Variants in AKT3 observed in about 807,000 individuals in gnomAD.
AKT3 encodes the protein RAC-gamma serine/threonine-protein kinase.
In AKT3, 15 loss-of-function variants were observed where a neutral mutation model predicts 65.3. The ratio of observed to expected loss-of-function variants is 0.23; its 90% CI spans 0.15 to 0.35. The LOEUF is 0.35. Among genes scored for constraint, AKT3 ranks in the 10% least tolerant of loss-of-function variants. AKT3 has a pLI of 1.00. For synonymous variants in AKT3, 206 were observed against 183.8 expected (o/e 1.12, Z -0.98); for missense variants, 243 against 576.5 (o/e 0.42, Z 5.92).
intron 3 of AKT3, among the ~76,000 whole-genome samples, chr1:243,669,587 T>C (rs1405725275): frequency 6.6e-6 from 1 of 152,212 alleles, no homozygotes; most frequent in Non-Finnish European, 1.5e-5. Context: ...TTTATCATCT[T>C]TAAAAGCACT....
At chr1:243,600,340 G>C (rs1183466063) in intron 8 of AKT3, among the ~76,000 whole-genome samples, 2 of 152,024 alleles carry the variant, frequency 1.3e-5, no homozygotes, top group African/African-American at 4.8e-5. Flanking sequence ...AAAGGAAATT[G>C]GATAGCAAAA....
chr1:243,651,596 A>G (rs530768356), intron 4 of AKT3, among the ~76,000 whole-genome samples: 3 of 152,266 alleles, frequency 2.0e-5, no homozygotes, highest in South Asian at 4.1e-4. Flanking sequence ...GAGAGTTTTT[A>G]GCATGAAGGG....
rs188465698 is a variant in AKT3 at position 243,599,604 on chromosome 1, C to G, written c.696+14067G>C. ...ATACATATTCTAAACCCTAAAGCTA[C>G]CACCATAAGAACAAAGAAGCAGAGC... On this transcript the variant is annotated intron_variant, in intron 8 of 13. Coordinates refer to ENST00000673466, the MANE Select transcript of AKT3 (RefSeq NM_005465.7). Among the ~76,000 whole-genome samples the G allele has an allele frequency of 1.5e-3, 226 of 152,188 alleles. 1 individual carries two copies. Among genetic ancestry groups the G allele is most frequent in the South Asian group, 0.012 (56 of 4,816 alleles).
chr1:243,751,972 G>C (rs1688835420), intron 2 of AKT3, among the ~76,000 whole-genome samples: 1 of 152,126 alleles, frequency 6.6e-6, no homozygotes, highest in South Asian at 2.1e-4. Context: ...ACTAGCTTCA[G>C]GGAAAGGTGG....
chr1:243,566,884 A>C (rs918912302), intron 9 of AKT3, among the ~76,000 whole-genome samples: 1 of 152,238 alleles, frequency 6.6e-6, no homozygotes, highest in Non-Finnish European at 1.5e-5. Context: ...ACTGTATTTT[A>C]AAGAAAAGAA....
intron 6 of AKT3, among the ~76,000 whole-genome samples, chr1:243,618,730 G>T (rs1678520815): frequency 6.6e-6 from 1 of 152,006 alleles, no homozygotes; most frequent in African/African-American, 2.4e-5. Flanking sequence ...TCAGGCAGAA[G>T]AATAGTCTTT....
chr1:243,848,926 G>A (rs1695629385), intron 1 of AKT3, among the ~76,000 whole-genome samples: 1 of 152,232 alleles, frequency 6.6e-6, no homozygotes. Context: ...TTTGATGGAA[G>A]AAATGTGAGC....
At chr1:243,584,426 A>G (rs1408325340) in intron 8 of AKT3, among the ~76,000 whole-genome samples, 11 of 151,642 alleles carry the variant, frequency 7.3e-5, no homozygotes, top group Non-Finnish European at 1.6e-4. Flanking sequence ...ACTATTCCAA[A>G]AAAATGATTT....
At chr1:243,769,554 G>C (rs373501376) in intron 2 of AKT3, among the ~76,000 whole-genome samples, 2 of 152,114 alleles carry the variant, frequency 1.3e-5, no homozygotes, top group East Asian at 1.9e-4. Flanking sequence ...ATGACGTTGA[G>C]CATCTTTTCA....
intron 2 of AKT3, among the ~76,000 whole-genome samples, chr1:243,823,180 C>T (rs934119475): frequency 6.6e-6 from 1 of 152,096 alleles, no homozygotes; most frequent in African/African-American, 2.4e-5. Context: ...AACAAAACCA[C>T]ATGATTATCT....
chr1:243,649,214 T>G (rs1681078125), intron 4 of AKT3, among the ~76,000 whole-genome samples: 1 of 152,080 alleles, frequency 6.6e-6, no homozygotes, highest in Admixed American at 6.6e-5. Flanking sequence ...GTTATTGATT[T>G]CTAATTAATT....
At chr1:243,825,358 C>G (rs1430438849) in intron 2 of AKT3, among the ~76,000 whole-genome samples, 1 of 152,138 alleles carries the variant, frequency 6.6e-6, no homozygotes, top group Non-Finnish European at 1.5e-5. Flanking sequence ...ACACGTTTAC[C>G]TATGTAACAA....
intron 3 of AKT3, among the ~76,000 whole-genome samples, chr1:243,670,197 G>C (rs1683069465): frequency 6.6e-6 from 1 of 152,020 alleles, no homozygotes; most frequent in Non-Finnish European, 1.5e-5. Context: ...TATTTTTTAG[G>C]TCTCAGTATG....
intron 10 of AKT3, among the ~76,000 whole-genome samples, chr1:243,563,211 A>G (rs1673915464): frequency 6.6e-6 from 1 of 152,160 alleles, no homozygotes; most frequent in Non-Finnish European, 1.5e-5. Flanking sequence ...TTAATAAATT[A>G]TTGTGGAACC....
chr1:243,805,341 T>TA (rs1692657168), intron 2 of AKT3, among the ~76,000 whole-genome samples: 1 of 152,162 alleles, frequency 6.6e-6, no homozygotes, highest in Non-Finnish European at 1.5e-5. Context: ...CACTCCATCT[T>TA]ATTCTTTCTC....
intron 2 of AKT3, among the ~76,000 whole-genome samples, chr1:243,753,563 AAAGAAATGTCCTTTCAGTAT>A (rs1688941973): frequency 6.6e-6 from 1 of 152,230 alleles, no homozygotes; most frequent in Non-Finnish European, 1.5e-5. Flanking sequence ...TTGGTTTAAG[AAAGAAATGTCCTTTCAGTAT>A]GTACATCTGA....
intron 8 of AKT3, among the ~76,000 whole-genome samples, chr1:243,586,457 C>T (rs1270774693): frequency 6.6e-6 from 1 of 152,082 alleles, no homozygotes; most frequent in Non-Finnish European, 1.5e-5. Context: ...ATGTTCATTG[C>T]AGAACTATTC....
At chr1:243,640,586 T>C (rs551973301) in intron 5 of AKT3, among the ~76,000 whole-genome samples, 2 of 152,238 alleles carry the variant, frequency 1.3e-5, no homozygotes, top group Non-Finnish European at 2.9e-5. Flanking sequence ...AGAGAGGCCA[T>C]GTGGAGAGAC....
At position 243,764,989 on chromosome 1, in the gene AKT3, A is replaced by G. The variant is rs541634495; in HGVS notation, c.47-69273T>C. On this transcript the variant is annotated intron_variant, in intron 2 of 13. Transcript: ENST00000673466. The stretch of plus-strand genomic sequence containing the variant: ...GATGTCTAATTCTAGAATTCTGAAT[A>G]ATGTAAATTCATTTATACATATATT... Among the ~76,000 whole-genome samples, 8 of 152,272 alleles carry G rather than the reference A, an allele frequency of 5.3e-5. No individual in the cohort carries two copies. In the South Asian group the frequency reaches 1.4e-3, roughly 28 times the overall value.
Sources: allele counts gnomAD v4.1 joint callset (sites outside exome capture counted in the v4.1 genomes callset), GRCh38; gene constraint gnomAD v4.1.1; transcripts MANE v1.5; gene names NCBI Gene and HGNC (gene_info 2026-07-23, HGNC 2026-07-21).